Variants in RUSF1 observed in about 807,000 individuals in gnomAD.
The protein encoded by RUSF1 is RUS1 family protein C16orf58.
Under a neutral mutation model 63.0 loss-of-function variants are expected in RUSF1, and 58 were observed. The ratio of observed to expected loss-of-function variants is 0.92; its 90% CI spans 0.75 to 1.15. RUSF1 has a LOEUF of 1.15. RUSF1 is among the 50% of genes most tolerant of loss of function. The pLI is 0.00. For missense variants in RUSF1, 652 were observed against 611.0 expected (o/e 1.07, Z -0.71); for synonymous variants, 274 against 255.8 (o/e 1.07, Z -0.68).
chr16:31,507,118 C>G (rs1437100227), intron 2 of RUSF1, among the ~76,000 whole-genome samples: 1 of 152,230 alleles, frequency 6.6e-6, no homozygotes, highest in Non-Finnish European at 1.5e-5. Context: ...AATAAATATC[C>G]CCTGCGAGCA....
chr16:31,491,867 AG>A (rs1177988768), intron 12 of RUSF1, 141 bp downstream of exon 12: 14 of 839,140 alleles, frequency 1.7e-5, no homozygotes, highest in Non-Finnish European at 2.6e-5. Flanking sequence ...CCAAGGCACT[AG>A]AATCATAGGT....
chr16:31,491,327 C>CTT (rs879259178), intron 12 of RUSF1, among the ~76,000 whole-genome samples: 3 of 145,022 alleles, frequency 2.1e-5, no homozygotes, highest in Non-Finnish European at 4.6e-5. Flanking sequence ...GAGAATCCAT[C>CTT]TTTTTTTTTT....
At position 31,490,460 on chromosome 16, in the gene RUSF1, C is replaced by G. The variant is rs778330418; in HGVS notation, c.*375G>C. 15 of 1,613,930 alleles carry G rather than the reference C, an allele frequency of 9.3e-6. No individual in the cohort carries two copies. The African/African-American group carries it at 9.3e-5, about 10-fold the overall frequency. ...TGGAGGACATCAGCGAGGACCCGAG[C>G]TGGGCCCGTGTGGTCAACCTCAATG... On this transcript the variant is annotated 3_prime_UTR_variant, in exon 13 of 13. Coordinates refer to ENST00000327237, the MANE Select transcript of RUSF1 (RefSeq NM_022744.4).
chr16:31,496,778 C>T (rs2082605487), intron 6 of RUSF1, 71 bp downstream of exon 6: 1 of 1,325,348 alleles, frequency 7.5e-7, no homozygotes, highest in Non-Finnish European at 1.0e-6. Flanking sequence ...CTGGGCCCTC[C>T]AGGGCACTCA....
rs1324362434 is a variant in RUSF1, at chr16:31,490,334, C to T, written c.*501G>A. ...AGCCCCAGGCCCCGGCACCAAGCCT[C>T]TTCCGCCAGTGCCTGCTCTGGTTTT... On this transcript the variant is annotated 3_prime_UTR_variant, in exon 13 of 13. Transcript: ENST00000327237. The T allele has an allele frequency of 6.2e-7, 1 of 1,612,570 alleles. No homozygotes were observed. The highest frequency in any genetic ancestry group is 8.5e-7 in the Non-Finnish European group (1 of 1,179,542).
intron 6 of RUSF1, 129 bp downstream of exon 6, chr16:31,496,720 G>C (rs2082605013): frequency 1.3e-6 from 1 of 788,076 alleles, no homozygotes; most frequent in African/African-American, 1.8e-5. Flanking sequence ...ACTCCTGCCT[G>C]GGTGTCTTGA....
rs375856952 is a variant in RUSF1 at position 31,490,740 on chromosome 16, A to G, written c.*95T>C. 166 of 1,420,208 alleles carry G rather than the reference A, an allele frequency of 1.2e-4. 1 individual carries two copies. The Middle Eastern group carries it at 1.8e-3, about 15-fold the overall frequency. The allele number at this position is 1,420,208 out of a possible 1,614,324, so 88.0% of individuals were successfully genotyped here. On this transcript the variant is annotated 3_prime_UTR_variant, in exon 13 of 13. Coordinates refer to ENST00000327237, the MANE Select transcript of RUSF1 (RefSeq NM_022744.4). ...CTGGCCCACCCGCTGCAGTTGCCCT[A>G]AGGAAAAATAAAGCTGCCTTTCCCC...
chr16:31,497,474 A>G (rs559703549), intron 5 of RUSF1, among the ~76,000 whole-genome samples: 1 of 152,264 alleles, frequency 6.6e-6, no homozygotes, highest in African/African-American at 2.4e-5. Flanking sequence ...AGTTCATCAA[A>G]GCTCTTTTAC....
At chr16:31,500,760 C>T (rs1174874435) in intron 2 of RUSF1, 29 bp from the exon 3 acceptor site, 4 of 1,607,130 alleles carry the variant, frequency 2.5e-6, no homozygotes, top group South Asian at 2.2e-5. Context: ...AGGTAAGGAG[C>T]AAGGAAGAGG....
chr16:31,506,420 A>G (rs2082659084), intron 2 of RUSF1, among the ~76,000 whole-genome samples: 1 of 152,258 alleles, frequency 6.6e-6, no homozygotes, highest in Non-Finnish European at 1.5e-5. Context: ...CAATCTGTAT[A>G]GGCAACATGT....
In RUSF1 at chr16:31,489,609, T is replaced by C; in HGVS notation, c.*1226A>G. 2 of 573,186 alleles carry C rather than the reference T, an allele frequency of 3.5e-6. No individual in the cohort carries two copies. Among genetic ancestry groups the C allele is most frequent in the East Asian group, 3.0e-5 (1 of 33,700 alleles). The allele number at this position is 573,186 out of a possible 1,614,324, so 35.5% of individuals were successfully genotyped here. ...CCTTTGGGACTCAAAACACAGGATC[T>C]GACTGGTGGGCACAATACCATCTTG... On this transcript the variant is annotated 3_prime_UTR_variant, in exon 13 of 13. Coordinates refer to ENST00000327237, the MANE Select transcript of RUSF1 (RefSeq NM_022744.4).
At chr16:31,504,610 G>C (rs1453375675) in intron 2 of RUSF1, among the ~76,000 whole-genome samples, 1 of 152,154 alleles carries the variant, frequency 6.6e-6, no homozygotes, top group Non-Finnish European at 1.5e-5. Flanking sequence ...CCTAAAATCT[G>C]AAATGCTCCA....
intron 5 of RUSF1, among the ~76,000 whole-genome samples, chr16:31,498,609 G>C (rs951689987): frequency 6.6e-6 from 1 of 152,186 alleles, no homozygotes; most frequent in Admixed American, 6.5e-5. Context: ...CCTCATTTGG[G>C]TGAGATCAAC....
intron 10 of RUSF1, among the ~76,000 whole-genome samples, chr16:31,492,581 T>G (rs1249632662): frequency 1.3e-5 from 2 of 152,176 alleles, no homozygotes; most frequent in African/African-American, 4.8e-5. Flanking sequence ...ATTTCTTTAA[T>G]GGCTAGTGAG....
chr16:31,507,739 G>A, intron 2 of RUSF1, 25 bp downstream of exon 2: 1 of 1,548,504 alleles, frequency 6.5e-7, no homozygotes, highest in East Asian at 2.4e-5. Flanking sequence ...GCAGCAATAC[G>A]TGAGGCTCCA....
chr16:31,493,049 C>T lies in RUSF1; in HGVS notation c.1017-1G>A, dbSNP rs781518845. ...AACCAGCTGCTGCAGCTCAAAGACA[C>T]TGTGGGGGAGAGGACAGTGCAGTGG... On this transcript the variant is annotated splice_acceptor_variant, in intron 9 of 12. Transcript: ENST00000327237. LOFTEE classifies it high-confidence loss of function. 4 of 1,613,856 alleles carry T rather than the reference C, an allele frequency of 2.5e-6. No homozygotes were observed. In the South Asian group the frequency reaches 4.4e-5, roughly 18 times the overall value.
chr16:31,504,522 GC>G (rs1187509882), intron 2 of RUSF1, among the ~76,000 whole-genome samples: 1 of 151,900 alleles, frequency 6.6e-6, no homozygotes, highest in African/African-American at 2.4e-5. Flanking sequence ...GCCGACCTTG[GC>G]CCCCCATCCC....
intron 2 of RUSF1, among the ~76,000 whole-genome samples, chr16:31,502,311 T>A (rs1414528505): frequency 6.6e-6 from 1 of 152,090 alleles, no homozygotes; most frequent in Admixed American, 6.5e-5. Flanking sequence ...GCAGATGCAT[T>A]CTCCCCTTTC....
At position 31,489,745 on chromosome 16, in the gene RUSF1, T is replaced by C. The variant is rs1567392201; in HGVS notation, c.*1090A>G. The C allele has an allele frequency of 9.1e-6, 4 of 441,092 alleles. No individual in the cohort carries two copies. Among genetic ancestry groups the C allele is most frequent in the South Asian group, 2.1e-5 (1 of 47,738 alleles). The allele number at this position is 441,092 out of a possible 1,614,324, so 27.3% of individuals were successfully genotyped here. A position where few individuals can be genotyped will look rare whatever the true frequency, so the allele number is the denominator to read the frequency against. On this transcript the variant is annotated 3_prime_UTR_variant, in exon 13 of 13. Coordinates refer to ENST00000327237, the MANE Select transcript of RUSF1 (RefSeq NM_022744.4). ...GACAAGAGATCTGGGTGTGGAAGGATGGCCGGGTTTCTGCAGCAGCAGGAG... is the reference window on the plus strand; with the variant it reads ...GACAAGAGATCTGGGTGTGGAAGGACGGCCGGGTTTCTGCAGCAGCAGGAG...
Sources: gnomAD v4.1 joint callset for allele counts (sites outside exome capture counted in the v4.1 genomes callset) on GRCh38, gnomAD v4.1.1 for gene constraint, MANE v1.5 for transcripts, NCBI Gene and HGNC (gene_info 2026-07-23, HGNC 2026-07-21) for gene names.